The following WDPCP variants were observed in gnomAD, a reference collection of about 807,000 sequenced individuals.
WDPCP encodes WD repeat-containing and planar cell polarity effector protein fritz homolog.
Under a neutral mutation model 93.1 loss-of-function variants are expected in WDPCP, and 71 were observed. That is an observed-to-expected ratio of 0.76 (90% CI 0.63 to 0.93). The LOEUF is 0.93. Ranked by LOEUF, WDPCP falls within the 40% of genes least tolerant of loss-of-function variation. The pLI is 0.00. For missense variants in WDPCP, 844 were observed against 887.4 expected (o/e 0.95, Z 0.62); for synonymous variants, 315 against 315.0 (o/e 1.00, Z 0.00).
At chr2:63,400,314 A>G (rs1398223957) in intron 10 of WDPCP, among the ~76,000 whole-genome samples, 1 of 152,214 alleles carries the variant, frequency 6.6e-6, no homozygotes, top group Non-Finnish European at 1.5e-5. Context: ...ACTTAAATAT[A>G]AAACCCAAAA....
At chr2:63,722,004 T>A (rs1180668794) in intron 2 of WDPCP, among the ~76,000 whole-genome samples, 1 of 152,016 alleles carries the variant, frequency 6.6e-6, no homozygotes, top group Non-Finnish European at 1.5e-5. Flanking sequence ...GTGCCGGGAT[T>A]GCAGACGGAG....
chr2:63,810,404 A>G (rs1670847634), intron 2 of WDPCP, among the ~76,000 whole-genome samples: 1 of 152,256 alleles, frequency 6.6e-6, no homozygotes, highest in Non-Finnish European at 1.5e-5. Context: ...TACTAGTATC[A>G]GTTCATACAA....
At chr2:63,401,705 T>C (rs1329999917) in intron 10 of WDPCP, among the ~76,000 whole-genome samples, 1 of 152,152 alleles carries the variant, frequency 6.6e-6, no homozygotes, top group Non-Finnish European at 1.5e-5. Flanking sequence ...CTCAGGGGGC[T>C]GAAGCAGGAG....
intron 8 of WDPCP, among the ~76,000 whole-genome samples, chr2:63,434,600 T>A (rs1409364813): frequency 6.6e-6 from 1 of 152,084 alleles, no homozygotes; most frequent in Admixed American, 6.6e-5. Flanking sequence ...CAAGGAAATA[T>A]AGATTGCACC....
chr2:63,402,190 G>A (rs571946057), intron 10 of WDPCP, among the ~76,000 whole-genome samples: 9 of 152,192 alleles, frequency 5.9e-5, no homozygotes, highest in East Asian at 1.9e-4. Context: ...GCTGGAAGCC[G>A]TCATCCTCAG....
At chr2:63,454,939 A>C (rs1698520966) in intron 6 of WDPCP, among the ~76,000 whole-genome samples, 1 of 152,172 alleles carries the variant, frequency 6.6e-6, no homozygotes, top group Admixed American at 6.5e-5. Context: ...TAACCACCCA[A>C]AGATACTATC....
rs1277314125 is a variant in WDPCP, at chr2:63,681,414, C to T, written n.309-30576G>A. Among the ~76,000 whole-genome samples, 5 of 152,132 alleles carry T rather than the reference C, an allele frequency of 3.3e-5. No homozygotes were observed. In the East Asian group the frequency reaches 7.7e-4, roughly 23 times the overall value. ...TTGGTGGTAGTCTGGTAGTACTCCCCATGGGCCTATGGTGGTGGTGGTCAT... is the reference window on the plus strand; with the variant it reads ...TTGGTGGTAGTCTGGTAGTACTCCCTATGGGCCTATGGTGGTGGTGGTCAT... On this transcript the variant is annotated intron_variant and non_coding_transcript_variant, in intron 2 of 4. Coordinates refer to the WDPCP transcript ENST00000467687.
At chr2:63,358,323 T>C (rs552266850) in intron 12 of WDPCP, among the ~76,000 whole-genome samples, 1 of 152,178 alleles carries the variant, frequency 6.6e-6, no homozygotes, top group South Asian at 2.1e-4. Flanking sequence ...TTTTTTTAAC[T>C]AGCACTCACA....
intron 1 of WDPCP, among the ~76,000 whole-genome samples, chr2:63,566,216 T>G (rs1347464952): frequency 6.6e-6 from 1 of 152,222 alleles, no homozygotes; most frequent in Non-Finnish European, 1.5e-5. Context: ...GGAAGCTGCT[T>G]AGGGCAAACC....
At chr2:63,792,691 TACAG>T (rs1670561918) in intron 2 of WDPCP, among the ~76,000 whole-genome samples, 1 of 152,116 alleles carries the variant, frequency 6.6e-6, no homozygotes, top group Non-Finnish European at 1.5e-5. Flanking sequence ...ATGGCTGGAA[TACAG>T]ACAGAGGACA....
chr2:63,602,254 A>G (rs1011126200), intron 3 of WDPCP, among the ~76,000 whole-genome samples: 1 of 152,146 alleles, frequency 6.6e-6, no homozygotes, highest in Admixed American at 6.5e-5. Flanking sequence ...TACTTAACTG[A>G]ATAAATTAGT....
chr2:63,661,787 G>T (rs943060752), intron 2 of WDPCP, among the ~76,000 whole-genome samples: 1 of 152,180 alleles, frequency 6.6e-6, no homozygotes, highest in African/African-American at 2.4e-5. Flanking sequence ...CAGACAGTGG[G>T]TGCTGTGGGG....
At chr2:63,490,550 T>A (rs1259596855) in intron 2 of WDPCP, among the ~76,000 whole-genome samples, 1 of 152,126 alleles carries the variant, frequency 6.6e-6, no homozygotes, top group African/African-American at 2.4e-5. Flanking sequence ...AGCCGAGCCC[T>A]AAAGAAGTAG....
chr2:63,312,487 A>G (rs1307366244), intron 13 of WDPCP, among the ~76,000 whole-genome samples: 1 of 152,232 alleles, frequency 6.6e-6, no homozygotes, highest in African/African-American at 2.4e-5. Context: ...TGTGCAAAAG[A>G]TTCAGGCAAA....
rs1401538087 is a variant in WDPCP, at chr2:63,120,850, T to A, written c.*1156A>T. Reference sequence around the variant, plus strand: ...TGCCTGGCCTATAGATGTCTATAATTGTGAAATATCAGTTATCTGCTAAAG... The same window carrying A: ...TGCCTGGCCTATAGATGTCTATAATAGTGAAATATCAGTTATCTGCTAAAG... On this transcript the variant is annotated 3_prime_UTR_variant, in exon 18 of 18. Transcript: ENST00000272321. Among the ~76,000 whole-genome samples the A allele has an allele frequency of 1.3e-5, 2 of 152,028 alleles. No individual in the cohort carries two copies. Among genetic ancestry groups the A allele is most frequent in the Non-Finnish European group, 1.5e-5 (1 of 67,994 alleles).
Position 63,516,769 on chromosome 2 carries a change from G to T in WDPCP, c.76-23829C>A, listed in dbSNP as rs527286530. Among the ~76,000 whole-genome samples, 36 of 151,620 alleles carry T rather than the reference G, an allele frequency of 2.4e-4. No individual in the cohort carries two copies. The East Asian group carries it at 6.0e-3, about 25-fold the overall frequency. Reference sequence around the variant, plus strand: ...TGCACAGAAACTGTGAGGATAATGGGTTTTTTTTTAAAGTTCTGATATTCT... The same window carrying T: ...TGCACAGAAACTGTGAGGATAATGGTTTTTTTTTTAAAGTTCTGATATTCT... On this transcript the variant is annotated intron_variant, in intron 1 of 17. Transcript: ENST00000272321.
intron 15 of WDPCP, chr2:63,168,596 C>G (rs969224183): frequency 6.6e-6 from 1 of 152,090 alleles, no homozygotes; most frequent in East Asian, 1.9e-4. Context: ...CTGTGTTTCT[C>G]TCTGAGGTAT....
chr2:63,789,466 T>A, intron 2 of WDPCP, among the ~76,000 whole-genome samples: 1 of 152,182 alleles, frequency 6.6e-6, no homozygotes, highest in East Asian at 1.9e-4. Context: ...GACTTCATAC[T>A]CAGCTTAGTG....
intron 2 of WDPCP, among the ~76,000 whole-genome samples, chr2:63,779,245 G>T (rs1262016891): frequency 6.6e-6 from 1 of 152,158 alleles, no homozygotes; most frequent in African/African-American, 2.4e-5. Context: ...GAAAGACCTA[G>T]CAGGAACTGT....
Sources: gnomAD v4.1 joint callset for allele counts (sites outside exome capture counted in the v4.1 genomes callset) on GRCh38, gnomAD v4.1.1 for gene constraint, MANE v1.5 for transcripts, NCBI Gene and HGNC (gene_info 2026-07-23, HGNC 2026-07-21) for gene names.